Variants in STK32C observed in about 807,000 individuals in gnomAD.
The protein encoded by STK32C is serine/threonine kinase 32C.
STK32C carries 31 observed loss-of-function variants against 56.5 expected under a neutral mutation model. The ratio of observed to expected loss-of-function variants is 0.55; its 90% CI spans 0.41 to 0.74. STK32C has a LOEUF of 0.74. Ranked by LOEUF, STK32C falls within the 30% of genes least tolerant of loss-of-function variation. The probability of loss-of-function intolerance (pLI) is 0.00; values close to 1 mark genes in which losing one functional copy is unlikely to be tolerated. For synonymous variants in STK32C, 309 were observed against 289.4 expected, an observed-to-expected ratio of 1.07 and a Z score of -0.69; for missense variants, 544 against 676.9, an observed-to-expected ratio of 0.80 and a Z score of 2.18.
downstream of STK32C, among the ~76,000 whole-genome samples, chr10:132,320,599 T>A (rs1204893713): frequency 6.6e-6 from 1 of 152,122 alleles, no homozygotes; most frequent in Non-Finnish European, 1.5e-5. Context: ...TTGGGCAGCT[T>A]AAGTTTTCTC....
chr10:132,222,887 T>A lies in STK32C; in HGVS notation c.1093A>T (p.Arg365Trp). The A allele has an allele frequency of 6.4e-7, 1 of 1,572,840 alleles. No individual in the cohort carries two copies. Among genetic ancestry groups the A allele is most frequent in the Non-Finnish European group, 8.6e-7 (1 of 1,162,332 alleles). ...TTGGGCACGAAGCCCGGCTCCACCC[T>A]CTTCTCGCTCAGGTGGTCCCACAGC... ...GVLWDHLSEK[R>W]VEPGFVPNKG... The change falls in exon 9 of 12, where the codon AGG becomes TGG. Residue 365 changes from arginine to tryptophan, a missense_variant. By Grantham distance (101) the Arg-to-Trp change is moderately radical. Around this residue, in one of 3 missense-constraint regions of STK32C, gnomAD observed 277 missense variants for 309.3 expected, o/e 0.90. Transcript: ENST00000298630.
chr10:132,306,762 G>C (rs1319701118), intron 1 of STK32C, among the ~76,000 whole-genome samples: 1 of 152,260 alleles, frequency 6.6e-6, no homozygotes, highest in African/African-American at 2.4e-5. Context: ...TGATTTGCAT[G>C]TTACCTGTAG....
intron 2 of STK32C, among the ~76,000 whole-genome samples, chr10:132,232,982 G>A (rs548015934): frequency 5.3e-5 from 8 of 152,190 alleles, no homozygotes; most frequent in Non-Finnish European, 1.0e-4. Context: ...AGAAGCAAAT[G>A]CCTGACCACA....
chr10:132,269,819 C>A (rs1401597405), intron 1 of STK32C, among the ~76,000 whole-genome samples: 1 of 152,230 alleles, frequency 6.6e-6, no homozygotes, highest in Non-Finnish European at 1.5e-5. Flanking sequence ...TTCTCCCAAG[C>A]CTGAGAGGTT....
chr10:132,331,916 AC>A (rs56274613), upstream of STK32C: 181,442 of 615,388 alleles, frequency 0.29, 29,432 homozygotes, highest in East Asian at 0.39. Flanking sequence ...GCGCACCACA[AC>A]CCCCCCACCG....
At chr10:132,286,099 C>T (rs1162973867) in intron 1 of STK32C, among the ~76,000 whole-genome samples, 1 of 151,402 alleles carries the variant, frequency 6.6e-6, no homozygotes, top group African/African-American at 2.4e-5. Flanking sequence ...GCACTCCAGC[C>T]TGGGTGACGG....
upstream of STK32C, chr10:132,307,961 A>G (rs2066132628): frequency 3.1e-6 from 3 of 972,232 alleles, no homozygotes; most frequent in African/African-American, 6.4e-5. This position sits in a 1 kb window ranked among gnomAD's most constrained non-coding sequence, Gnocchi z 4.4. Context: ...GGGCGGTGGA[A>G]CCCGCCCCGT....
intron 1 of STK32C, among the ~76,000 whole-genome samples, chr10:132,267,877 G>A: frequency 6.8e-6 from 1 of 146,356 alleles, no homozygotes; most frequent in African/African-American, 2.5e-5. Context: ...ATGCCTGTCT[G>A]TGTGCATGCA....
At chr10:132,209,128 G>C (rs372318242) in intron 10 of STK32C, 27 bp from the exon 11 acceptor site, 14 of 1,605,880 alleles carry the variant, frequency 8.7e-6, no homozygotes, top group Non-Finnish European at 1.0e-5. Context: ...ACACGTGAGC[G>C]TGGGGGACGC....
rs140144226 is a variant in STK32C at position 132,295,753 on chromosome 10, G to A, written c.262+11819C>T. On this transcript the variant is annotated intron_variant, in intron 1 of 11. Coordinates refer to ENST00000298630, the MANE Select transcript of STK32C (RefSeq NM_173575.4). ...ACAAAAATTAGTTGGGTGTGGTGGC[G>A]CACGCCTGTAATCCCAGCTACTCGG... 3.7e-3 allele frequency among the ~76,000 whole-genome samples: 570 copies of A among 152,148 alleles called. 1 individual carries two copies. Among genetic ancestry groups the A allele is most frequent in the South Asian group, 7.5e-3 (36 of 4,822 alleles).
In STK32C at chr10:132,255,161, T is replaced by G. The variant is rs1261762148; in HGVS notation, c.263-9206A>C. Among the ~76,000 whole-genome samples, 1 of 152,202 alleles carries G rather than the reference T, an allele frequency of 6.6e-6. No homozygotes were observed. Among genetic ancestry groups the G allele is most frequent in the African/African-American group, 2.4e-5 (1 of 41,438 alleles). ...TGATTAAATGCCGTCTCGTCTCCTA[T>G]GACCTGGGAAGTGCTTATGATGAGG... On this transcript the variant is annotated intron_variant, in intron 1 of 11. Transcript: ENST00000298630. The surrounding 1 kb of genome is among the most constrained non-coding windows in gnomAD (Gnocchi z 4.6).
intron 1 of STK32C, among the ~76,000 whole-genome samples, chr10:132,300,791 G>A (rs2492643): frequency 0.12 from 19,009 of 152,180 alleles, 1,880 homozygotes; most frequent in East Asian, 0.57. Flanking sequence ...AGCCAGAGCC[G>A]AACAAGGCGG....
At chr10:132,223,944 T>C (rs904791119) in intron 8 of STK32C, among the ~76,000 whole-genome samples, 18 of 152,352 alleles carry the variant, frequency 1.2e-4, no homozygotes, top group African/African-American at 3.1e-4. Context: ...GCCAGGCTGA[T>C]GTCCCCTGAG....
rs576568319 is a variant in STK32C, at chr10:132,313,674, G to A, written c.301+17762C>T. Among the ~76,000 whole-genome samples, 21 of 152,346 alleles carry A rather than the reference G, an allele frequency of 1.4e-4. No homozygotes were observed. In the South Asian group the frequency reaches 3.9e-3, roughly 29 times the overall value. On this transcript the variant is annotated intron_variant, in intron 1 of 3. Transcript: ENST00000368620. Reference sequence around the variant, plus strand: ...AAGGGGAGCAGGAGAGCAGCCCTCCGGGCAGAACATGGGTAGCGTCCAAGA... The same window carrying A: ...AAGGGGAGCAGGAGAGCAGCCCTCCAGGCAGAACATGGGTAGCGTCCAAGA...
At chr10:132,260,698 C>A (rs188024833) in intron 1 of STK32C, among the ~76,000 whole-genome samples, 260 of 152,372 alleles carry the variant, frequency 1.7e-3, no homozygotes, top group Non-Finnish European at 3.1e-3. Flanking sequence ...GAGTCTGTGC[C>A]CCATGCAGTG....
upstream of STK32C, among the ~76,000 whole-genome samples, chr10:132,310,321 G>C (rs758598676): frequency 1.3e-5 from 2 of 152,234 alleles, no homozygotes; most frequent in African/African-American, 4.8e-5. This position sits in a 1 kb window ranked among gnomAD's most constrained non-coding sequence, Gnocchi z 4.6. Flanking sequence ...GGCCAGTGCA[G>C]ATCAGCCCTG....
intron 2 of STK32C, among the ~76,000 whole-genome samples, chr10:132,241,476 A>G (rs969661779): frequency 4.6e-5 from 7 of 152,258 alleles, no homozygotes; most frequent in African/African-American, 1.7e-4. Context: ...AATCAAGATG[A>G]AAAAGCAGAC....
Position 132,300,101 on chromosome 10 carries a change from C to T in STK32C, c.262+7471G>A, listed in dbSNP as rs149658366. Among the ~76,000 whole-genome samples the T allele has an allele frequency of 5.2e-3, 792 of 152,356 alleles. 6 individuals carry two copies. Among genetic ancestry groups the T allele is most frequent in the African/African-American group, 0.018 (732 of 41,584 alleles). On this transcript the variant is annotated intron_variant, in intron 1 of 11. Transcript: ENST00000298630. ...CCTGCAGACATTCCAAACACAGAGG[C>T]GCCTCTCTCCTGCTCTATCACACTT...
chr10:132,236,347 T>C (rs888738790), intron 2 of STK32C, among the ~76,000 whole-genome samples: 8 of 152,134 alleles, frequency 5.3e-5, no homozygotes, highest in African/African-American at 1.9e-4. Flanking sequence ...CAACCTGTCA[T>C]GAGGTTCGCA....
Sources: gnomAD v4.1 joint callset for allele counts (sites outside exome capture counted in the v4.1 genomes callset) on GRCh38, gnomAD v4.1.1 for gene constraint, gnomAD v4.1.1 regional missense constraint, Gnocchi (gnomAD v3.1) non-coding constraint, MANE v1.5 for transcripts, NCBI Gene and HGNC (gene_info 2026-07-23, HGNC 2026-07-21) for gene names.